The following CSGALNACT1 variants were observed in gnomAD, a reference collection of about 807,000 sequenced individuals.
The protein encoded by CSGALNACT1 is chondroitin sulfate N-acetylgalactosaminyltransferase 1.
Under a neutral mutation model 51.0 loss-of-function variants are expected in CSGALNACT1, and 52 were observed. The observed-to-expected ratio is 1.02, with a 90% CI of 0.82 to 1.29. The LOEUF is 1.29. CSGALNACT1 is among the 50% of genes most tolerant of loss of function. The pLI, the probability that CSGALNACT1 is intolerant of heterozygous loss-of-function variation, is 0.00. For synonymous variants in CSGALNACT1, 341 were observed against 254.4 expected (o/e 1.34, Z -3.24); for missense variants, 935 against 679.2 (o/e 1.38, Z -4.19).
intron 4 of CSGALNACT1, among the ~76,000 whole-genome samples, chr8:19,468,067 C>T (rs973426472): frequency 6.6e-6 from 1 of 152,168 alleles, no homozygotes. Flanking sequence ...GACAGGTAAA[C>T]AGAACAGGAC....
chr8:19,478,445 G>C (rs1477116954), intron 4 of CSGALNACT1, among the ~76,000 whole-genome samples: 1 of 143,614 alleles, frequency 7.0e-6, no homozygotes, highest in Non-Finnish European at 1.5e-5. Flanking sequence ...AAAAGGTACT[G>C]ATGTCTGGGT....
chr8:19,658,658 TG>T (rs909013833), intron 1 of CSGALNACT1, among the ~76,000 whole-genome samples: 1 of 151,928 alleles, frequency 6.6e-6, no homozygotes, highest in Admixed American at 6.6e-5. Flanking sequence ...CACTTGAACC[TG>T]GGGGGCAGAG....
At chr8:19,536,613 T>C (rs971399479) in intron 3 of CSGALNACT1, among the ~76,000 whole-genome samples, 1 of 152,194 alleles carries the variant, frequency 6.6e-6, no homozygotes, top group Non-Finnish European at 1.5e-5. Context: ...ATAAATTTAA[T>C]ATAACTCCTA....
exon 10 of CSGALNACT1, chr8:19,404,170 C>A: frequency 5.7e-6 from 2 of 353,190 alleles, no homozygotes; most frequent in Non-Finnish European, 1.1e-5. Flanking sequence ...GTCATATCCA[C>A]AAATCATATT....
At chr8:19,477,270 G>A (rs1467982650) in intron 4 of CSGALNACT1, among the ~76,000 whole-genome samples, 1 of 152,166 alleles carries the variant, frequency 6.6e-6, no homozygotes, top group East Asian at 1.9e-4. Flanking sequence ...CCATAGAGCT[G>A]GGCAGTGGGG....
At chr8:19,610,138 A>G (rs957745670) in intron 1 of CSGALNACT1, among the ~76,000 whole-genome samples, 2 of 151,248 alleles carry the variant, frequency 1.3e-5, no homozygotes, top group Non-Finnish European at 2.9e-5. Flanking sequence ...AAAAATACAA[A>G]AATTAGCCAG....
intron 3 of CSGALNACT1, among the ~76,000 whole-genome samples, chr8:19,542,793 T>C (rs1216244475): frequency 6.6e-6 from 1 of 152,130 alleles, no homozygotes; most frequent in Non-Finnish European, 1.5e-5. Context: ...AAAACATAAT[T>C]CATAAGTTGT....
At chr8:19,618,579 C>A (rs2053360168) in intron 1 of CSGALNACT1, among the ~76,000 whole-genome samples, 1 of 122,300 alleles carries the variant, frequency 8.2e-6, no homozygotes, top group Non-Finnish European at 1.6e-5. Flanking sequence ...GGGGAATGAG[C>A]CAAGATCATG....
At chr8:19,492,101 T>C (rs1412852433) in intron 4 of CSGALNACT1, among the ~76,000 whole-genome samples, 4 of 152,220 alleles carry the variant, frequency 2.6e-5, no homozygotes, top group African/African-American at 7.2e-5. Flanking sequence ...CATGGGAACA[T>C]TGGTAACTAG....
At position 19,756,197 on chromosome 8, in the gene CSGALNACT1, C is replaced by T. The variant is rs1284633134; in HGVS notation, c.-297+1653G>A. Among the ~76,000 whole-genome samples the T allele has an allele frequency of 3.3e-5, 5 of 152,064 alleles. No individual in the cohort carries two copies. In the East Asian group the frequency reaches 9.7e-4, roughly 29 times the overall value. ...CTTGTAGGAACAATGTCGACGAAAT[C>T]CTACAGAATTAAATTTAAATTTCCA... On this transcript the variant is annotated intron_variant, in intron 1 of 1. Coordinates refer to the CSGALNACT1 transcript ENST00000517494.
intron 1 of CSGALNACT1, among the ~76,000 whole-genome samples, chr8:19,740,346 T>G (rs2064234765): frequency 6.6e-6 from 1 of 152,240 alleles, no homozygotes; most frequent in Non-Finnish European, 1.5e-5. Flanking sequence ...ACACAGAGTC[T>G]GCTGTCCAGG....
intron 4 of CSGALNACT1, among the ~76,000 whole-genome samples, chr8:19,484,460 T>C (rs759669476): frequency 1.3e-5 from 2 of 152,184 alleles, no homozygotes; most frequent in African/African-American, 4.8e-5. Context: ...AGAGGTTTAA[T>C]GCACTCACAG....
At chr8:19,439,980 G>C in intron 5 of CSGALNACT1, 49 bp from the exon 5 acceptor site, 1 of 1,459,754 alleles carries the variant, frequency 6.9e-7, no homozygotes, top group Non-Finnish European at 9.6e-7. Flanking sequence ...CACACTGACA[G>C]GCACAGCACA....
At chr8:19,558,856 A>G (rs1164483500) in intron 3 of CSGALNACT1, among the ~76,000 whole-genome samples, 1 of 152,202 alleles carries the variant, frequency 6.6e-6, no homozygotes, top group Non-Finnish European at 1.5e-5. Flanking sequence ...TCTTGGGAAG[A>G]TATTTTGCAA....
chr8:19,750,039 G>T (rs548971393), intron 1 of CSGALNACT1, among the ~76,000 whole-genome samples: 1 of 152,124 alleles, frequency 6.6e-6, no homozygotes, highest in African/African-American at 2.4e-5. Flanking sequence ...TCAAGAAATG[G>T]TCACTTATAT....
rs142186388 is a variant in CSGALNACT1 at position 19,561,996 on chromosome 8, C to A, written c.-297+29164G>T. On this transcript the variant is annotated intron_variant, in intron 3 of 9. Transcript: ENST00000454498. ...CCCTTGACCTTCCCCTATCCTCCAC[C>A]GTGGCTTCCACCTTCTCCTACTCCC... 2.6e-3 allele frequency among the ~76,000 whole-genome samples: 392 copies of A among 152,258 alleles called. 1 individual carries two copies. Among genetic ancestry groups the A allele is most frequent in the African/African-American group, 9.1e-3 (379 of 41,534 alleles).
At chr8:19,589,511 A>T (rs1340609174) in intron 3 of CSGALNACT1, among the ~76,000 whole-genome samples, 2 of 152,122 alleles carry the variant, frequency 1.3e-5, no homozygotes, top group African/African-American at 4.8e-5. Flanking sequence ...TTTTTAGTAG[A>T]GATGGAGTTT....
chr8:19,637,133 G>A (rs1277271104), intron 1 of CSGALNACT1, among the ~76,000 whole-genome samples: 1 of 152,190 alleles, frequency 6.6e-6, no homozygotes, highest in Non-Finnish European at 1.5e-5. Context: ...TTGAACCCAG[G>A]AGGCAGAGGT....
intron 3 of CSGALNACT1, among the ~76,000 whole-genome samples, chr8:19,582,020 C>G (rs1564140193): frequency 6.6e-6 from 1 of 152,212 alleles, no homozygotes; most frequent in Non-Finnish European, 1.5e-5. Context: ...CAGGCTGTAT[C>G]TGAGCTATCT....
Sources: gnomAD v4.1 joint callset for allele counts (sites outside exome capture counted in the v4.1 genomes callset) on GRCh38, gnomAD v4.1.1 for gene constraint, MANE v1.5 for transcripts, NCBI Gene and HGNC (gene_info 2026-07-23, HGNC 2026-07-21) for gene names.